MYBL1: variants seen among roughly 807,000 people sequenced by gnomAD.
MYBL1 encodes MYB proto-oncogene like 1.
In MYBL1, 17 loss-of-function variants were observed where a neutral mutation model predicts 96.3. That is an observed-to-expected ratio of 0.18 (90% confidence interval 0.12 to 0.26). The LOEUF (loss-of-function observed/expected upper bound fraction) is 0.26. Ranked by LOEUF, MYBL1 falls within the 10% of genes least tolerant of loss-of-function variation. The pLI is 1.00. For synonymous variants in MYBL1, 282 were observed against 292.7 expected (o/e 0.96, Z 0.37); for missense variants, 701 against 882.9 (o/e 0.79, Z 2.61).
At chr8:66,588,930 G>A (rs908168914) in intron 8 of MYBL1, among the ~76,000 whole-genome samples, 4 of 152,196 alleles carry the variant, frequency 2.6e-5, no homozygotes, top group African/African-American at 9.7e-5. Flanking sequence ...TGAAGCAGGA[G>A]AATCGCTTGA....
At chr8:66,581,852 T>C (rs1809225412) in intron 8 of MYBL1, among the ~76,000 whole-genome samples, 1 of 152,158 alleles carries the variant, frequency 6.6e-6, no homozygotes, top group South Asian at 2.1e-4. Flanking sequence ...CCAGCAAAGC[T>C]ATCCTTCAGA....
chr8:66,613,015 C>G lies in MYBL1; in HGVS notation c.-177G>C, dbSNP rs1417074442. 3.0e-6 allele frequency: 2 copies of G among 656,508 alleles called. No individual in the cohort carries two copies. 40.7% of individuals were successfully genotyped at this position (656,508 alleles called of 1,614,324 possible). ...GGACGGAGGGACAGCGGGGGCGGAC[C>G]GCGACCCGACCCCGACCCCGGCCCG... On this transcript the variant is annotated 5_prime_UTR_variant, in exon 1 of 16. Transcript: ENST00000522677.
intron 1 of MYBL1, among the ~76,000 whole-genome samples, chr8:66,603,873 C>A (rs1810202556): frequency 6.6e-6 from 1 of 151,608 alleles, no homozygotes; most frequent in Non-Finnish European, 1.5e-5. Context: ...AGGGAGATGT[C>A]CATTCTCCCT....
At position 66,602,470 on chromosome 8, in the gene MYBL1, T is replaced by G. The variant is rs1324541471; in HGVS notation, c.74A>C (p.Gln25Pro). ...QYADHDYEVP[Q>P]QKGLKKLWNR... is the part of the protein sequence containing the mutation. ...CCAGAGTTTCTTCAGTCCTTTTTGT[T>G]GTGGTACTTCATAATCATGATCGGC... The change falls in exon 2 of 16, where the codon CAA becomes CCA. Residue 25 changes from glutamine to proline, a missense_variant. Around this residue, in one of 5 missense-constraint regions of MYBL1, gnomAD observed 68 missense variants for 93.8 expected, o/e 0.72. Transcript: ENST00000522677. 6.2e-7 allele frequency: 1 copy of G among 1,609,402 alleles called. No homozygotes were observed. The highest frequency in any genetic ancestry group is 1.3e-5 in the African/African-American group (1 of 74,680).
intron 4 of MYBL1, among the ~76,000 whole-genome samples, chr8:66,598,016 T>C (rs1361477610): frequency 6.6e-6 from 1 of 152,166 alleles, no homozygotes; most frequent in African/African-American, 2.4e-5. Context: ...GTTGTTTTTA[T>C]TTCACCTAAA....
chr8:66,599,068 A>G lies in MYBL1; in HGVS notation c.273T>C (p.Thr91=), dbSNP rs761133962. ...ACATTACCCTCTGATCTTCTTCTTT[A>G]GTCCAAGGACCCTTTATCAATTCAG... ...LNPELIKGPW[T]KEEDQRVIEL... The change falls in exon 4 of 16, where the codon ACT becomes ACC. Residue 91 remains threonine, a synonymous_variant. Transcript: ENST00000522677. The G allele has an allele frequency of 1.3e-6, 2 of 1,591,594 alleles. No homozygotes were observed. Among genetic ancestry groups the G allele is most frequent in the Admixed American group, 3.6e-5 (2 of 56,112 alleles).
At chr8:66,605,874 G>C (rs563374311) in intron 1 of MYBL1, among the ~76,000 whole-genome samples, 28 of 152,214 alleles carry the variant, frequency 1.8e-4, no homozygotes, top group African/African-American at 6.3e-4. Flanking sequence ...ACTGAATAAA[G>C]TCATGGCATC....
intron 9 of MYBL1, among the ~76,000 whole-genome samples, chr8:66,576,800 A>G (rs1808970529): frequency 6.6e-6 from 1 of 152,216 alleles, no homozygotes; most frequent in African/African-American, 2.4e-5. Flanking sequence ...AATTTAACCT[A>G]AAGACATAAT....
intron 10 of MYBL1, among the ~76,000 whole-genome samples, chr8:66,574,177 G>A (rs569133697): frequency 6.6e-6 from 1 of 152,176 alleles, no homozygotes; most frequent in African/African-American, 2.4e-5. Context: ...CTTATAACTA[G>A]AATGAAGTCT....
chr8:66,576,379 C>T lies in MYBL1; in HGVS notation c.1102-4G>A. 1 of 1,593,338 alleles carries T rather than the reference C, an allele frequency of 6.3e-7. No homozygotes were observed. Among genetic ancestry groups the T allele is most frequent in the Non-Finnish European group, 8.5e-7 (1 of 1,172,364 alleles). Reference sequence around the variant, plus strand: ...CGTCACTCCATGCTACAGGATCCTGCAATAAATTAAACTGTTAATAAAGTT... The same window carrying T: ...CGTCACTCCATGCTACAGGATCCTGTAATAAATTAAACTGTTAATAAAGTT... On this transcript the variant is annotated splice_region_variant and splice_polypyrimidine_tract_variant and intron_variant, in intron 9 of 15. Coordinates refer to ENST00000522677, the MANE Select transcript of MYBL1 (RefSeq NM_001080416.4).
intron 6 of MYBL1, among the ~76,000 whole-genome samples, chr8:66,593,416 T>C (rs1809730279): frequency 6.6e-6 from 1 of 152,182 alleles, no homozygotes. Context: ...TAGAAAAGAC[T>C]TTTTTTCAGA....
At chr8:66,602,577 T>G in intron 1 of MYBL1, 54 bp from the exon 2 acceptor site, 1 of 1,275,238 alleles carries the variant, frequency 7.8e-7, no homozygotes, top group Admixed American at 1.9e-5. Flanking sequence ...ATTTGTAAAT[T>G]CAAACACTGA....
chr8:66,613,141 C>A lies in MYBL1; in HGVS notation c.-303G>T. The A allele has an allele frequency of 5.0e-6, 2 of 401,664 alleles. No homozygotes were observed. Among genetic ancestry groups the A allele is most frequent in the Non-Finnish European group, 4.4e-6 (1 of 227,138 alleles). The allele number at this position is 401,664 out of a possible 1,614,324, so 24.9% of individuals were successfully genotyped here. A position where few individuals can be genotyped will look rare whatever the true frequency, so the allele number is the denominator to read the frequency against. ...GCCGGCTTCTCCCGCCGCTTGTCAG[C>A]CTCCCTGCCCTGGCCCCAGCCCGGC... On this transcript the variant is annotated 5_prime_UTR_variant, in exon 1 of 16. Transcript: ENST00000522677.
At chr8:66,596,742 C>A (rs997128116) in intron 5 of MYBL1, among the ~76,000 whole-genome samples, 4 of 152,134 alleles carry the variant, frequency 2.6e-5, no homozygotes, top group Non-Finnish European at 5.9e-5. Flanking sequence ...GGTTGTTGGT[C>A]TGCTGTACTA....
rs566223046 is a variant in MYBL1, at chr8:66,585,574, C to T, written c.868-5208G>A. Among the ~76,000 whole-genome samples the T allele has an allele frequency of 4.3e-4, 66 of 152,226 alleles. No homozygotes were observed. In the Middle Eastern group the frequency reaches 0.01, roughly 24 times the overall value. On this transcript the variant is annotated intron_variant, in intron 8 of 15. Transcript: ENST00000522677. ...TGGCCAACATGGTGAAACCTCGTCT[C>T]TCCTAAAAATACCAAAAAATTAGCT...
intron 6 of MYBL1, 140 bp from the exon 7 acceptor site, chr8:66,593,334 C>T: frequency 2.0e-6 from 1 of 503,344 alleles, no homozygotes; most frequent in East Asian, 3.2e-5. Context: ...AATGTTATAC[C>T]TATAATACTT....
At chr8:66,568,691 T>C (rs1188693285) in intron 12 of MYBL1, among the ~76,000 whole-genome samples, 1 of 152,170 alleles carries the variant, frequency 6.6e-6, no homozygotes, top group Non-Finnish European at 1.5e-5. Flanking sequence ...TCCAAGTGCA[T>C]GTTTGTTACA....
intron 1 of MYBL1, among the ~76,000 whole-genome samples, chr8:66,605,997 G>A (rs1182999751): frequency 3.9e-5 from 6 of 152,040 alleles, no homozygotes; most frequent in Admixed American, 6.5e-5. Context: ...CCCATTTCAC[G>A]GAATAGGAAA....
At chr8:66,589,152 T>C (rs1486269213) in intron 8 of MYBL1, among the ~76,000 whole-genome samples, 5 of 152,238 alleles carry the variant, frequency 3.3e-5, no homozygotes, top group African/African-American at 4.8e-5. Context: ...TAGTGAGTTC[T>C]AAAAAGAAAA....
Sources: gnomAD v4.1 joint callset for allele counts (sites outside exome capture counted in the v4.1 genomes callset) on GRCh38, gnomAD v4.1.1 for gene constraint, gnomAD v4.1.1 regional missense constraint, MANE v1.5 for transcripts, NCBI Gene and HGNC (gene_info 2026-07-23, HGNC 2026-07-21) for gene names.